Variants in HAPLN1 observed in about 807,000 individuals in gnomAD.
HAPLN1 encodes Cartilage link protein.
In HAPLN1, 13 loss-of-function variants were observed where a neutral mutation model predicts 36.5. The observed-to-expected ratio is 0.36, with a 90% CI of 0.23 to 0.57. The LOEUF (loss-of-function observed/expected upper bound fraction) is 0.57. Among genes scored for constraint, HAPLN1 ranks in the 20% least tolerant of loss-of-function variants. HAPLN1 has a pLI of 0.83. For missense variants in HAPLN1, 407 were observed against 439.7 expected (o/e 0.93, Z 0.66); for synonymous variants, 202 against 169.8 (o/e 1.19, Z -1.48).
intron 1 of HAPLN1, among the ~76,000 whole-genome samples, chr5:83,689,312 A>T (rs1178946796): frequency 1.3e-5 from 2 of 152,116 alleles, no homozygotes; most frequent in Non-Finnish European, 2.9e-5. Flanking sequence ...TGCTACATAC[A>T]CATAGCTCGT....
chr5:83,699,280 A>G (rs902327915), intron 1 of HAPLN1, among the ~76,000 whole-genome samples: 1 of 152,246 alleles, frequency 6.6e-6, no homozygotes, highest in Non-Finnish European at 1.5e-5. Context: ...TGTTAAAACT[A>G]TATAGTGACT....
intron 1 of HAPLN1, among the ~76,000 whole-genome samples, chr5:83,701,288 A>G (rs1298174643): frequency 6.6e-6 from 1 of 152,252 alleles, no homozygotes; most frequent in Non-Finnish European, 1.5e-5. Context: ...GTAGCTTCAC[A>G]AGGCAAAACT....
In HAPLN1 at chr5:83,664,739, A is replaced by G. The variant is rs963851465; in HGVS notation, c.100+8685T>C. Among the ~76,000 whole-genome samples, 17 of 152,242 alleles carry G rather than the reference A, an allele frequency of 1.1e-4. No individual in the cohort carries two copies. In the East Asian group the frequency reaches 1.9e-3, roughly 17 times the overall value. On this transcript the variant is annotated intron_variant, in intron 2 of 4. Transcript: ENST00000274341. The stretch of plus-strand genomic sequence containing the variant: ...AATTTTGCTTTCATTTATTTATTCA[A>G]TTATGTACATAAGCCAAATAATGAG...
rs148978794 is a variant in HAPLN1, at chr5:83,662,661, G to A, written c.101-9837C>T. Among the ~76,000 whole-genome samples, 16 of 152,284 alleles carry A rather than the reference G, an allele frequency of 1.1e-4. No individual in the cohort carries two copies. The East Asian group carries it at 2.5e-3, about 24-fold the overall frequency. ...TTTGTTTCAAAGGATATGGGGAAACGAAAACATTAGCATGAGTCATTCTTC... is the reference window on the plus strand; with the variant it reads ...TTTGTTTCAAAGGATATGGGGAAACAAAAACATTAGCATGAGTCATTCTTC... On this transcript the variant is annotated intron_variant, in intron 2 of 4. Coordinates refer to ENST00000274341, the MANE Select transcript of HAPLN1 (RefSeq NM_001884.4).
At chr5:83,681,538 G>T (rs1430931263) in intron 1 of HAPLN1, among the ~76,000 whole-genome samples, 1 of 151,280 alleles carries the variant, frequency 6.6e-6, no homozygotes, top group African/African-American at 2.4e-5. Context: ...TTTGAGACAA[G>T]GTCTGTCTGT....
intron 1 of HAPLN1, among the ~76,000 whole-genome samples, chr5:83,675,733 A>G (rs182003730): frequency 7.9e-5 from 12 of 152,322 alleles, no homozygotes; most frequent in African/African-American, 2.9e-4. Flanking sequence ...ATAAACAATG[A>G]TAAAAACACC....
intron 1 of HAPLN1, among the ~76,000 whole-genome samples, chr5:83,699,663 A>G (rs994819960): frequency 6.6e-6 from 1 of 152,224 alleles, no homozygotes; most frequent in Non-Finnish European, 1.5e-5. Context: ...GCTCACCAAT[A>G]TGCCAAAAAT....
At chr5:83,702,920 C>T (rs1561323025) in intron 1 of HAPLN1, among the ~76,000 whole-genome samples, 1 of 152,090 alleles carries the variant, frequency 6.6e-6, no homozygotes, top group African/African-American at 2.4e-5. Context: ...CCATGTTGGC[C>T]AGGCTGGTCT....
rs368024461 is a variant in HAPLN1 at position 83,672,232 on chromosome 5, C to A, written c.100+1192G>T. ...ATTACTATTTTGGCTGAATTGAATT[C>A]TGTCACTAGAATTCTGTCACTAGAA... On this transcript the variant is annotated intron_variant, in intron 2 of 4. Transcript: ENST00000274341. Among the ~76,000 whole-genome samples the A allele has an allele frequency of 7.1e-4, 108 of 152,222 alleles. 2 individuals are homozygous for A. The South Asian group carries it at 0.022, about 31-fold the overall frequency.
At chr5:83,697,417 C>A (rs561730101) in intron 1 of HAPLN1, among the ~76,000 whole-genome samples, 3 of 152,138 alleles carry the variant, frequency 2.0e-5, no homozygotes, top group Non-Finnish European at 2.9e-5. Flanking sequence ...TATATAGATA[C>A]CACATTTTAT....
At position 83,655,671 on chromosome 5, in the gene HAPLN1, A is replaced by G. The variant is rs143844546; in HGVS notation, c.101-2847T>C. ...AAACCTCCAACATGGCCTTGAGAAT[A>G]ATGTTTTTGTTTGTTTGTTTGCTTT... On this transcript the variant is annotated intron_variant, in intron 2 of 4. Coordinates refer to ENST00000274341, the MANE Select transcript of HAPLN1 (RefSeq NM_001884.4). Among the ~76,000 whole-genome samples, 503 of 152,128 alleles carry G rather than the reference A, an allele frequency of 3.3e-3. 5 individuals are homozygous for G. Among genetic ancestry groups the G allele is most frequent in the African/African-American group, 0.011 (475 of 41,462 alleles).
At chr5:83,711,424 G>A (rs2112638931) in intron 1 of HAPLN1, among the ~76,000 whole-genome samples, 1 of 152,242 alleles carries the variant, frequency 6.6e-6, no homozygotes, top group East Asian at 1.9e-4. Context: ...GGGGCAGTTA[G>A]ATTCATCATG....
chr5:83,657,257 T>G (rs1028777507), intron 2 of HAPLN1, among the ~76,000 whole-genome samples: 1 of 151,878 alleles, frequency 6.6e-6, no homozygotes, highest in African/African-American at 2.4e-5. Context: ...CACCACACCC[T>G]GCTAATTTTT....
chr5:83,718,876 T>C (rs567581807), intron 1 of HAPLN1, among the ~76,000 whole-genome samples: 1 of 152,300 alleles, frequency 6.6e-6, no homozygotes, highest in African/African-American at 2.4e-5. Context: ...TTTCTGAATA[T>C]AACTTTTGTT....
At chr5:83,657,576 A>C (rs746660660) in intron 2 of HAPLN1, among the ~76,000 whole-genome samples, 1 of 152,132 alleles carries the variant, frequency 6.6e-6, no homozygotes, top group Non-Finnish European at 1.5e-5. Flanking sequence ...CATTAGAAAG[A>C]CTTTTTCATC....
intron 1 of HAPLN1, among the ~76,000 whole-genome samples, chr5:83,690,771 T>A (rs7444755): frequency 6.6e-6 from 1 of 151,798 alleles, no homozygotes; most frequent in Non-Finnish European, 1.5e-5. Flanking sequence ...ATTTATATGG[T>A]GATTATATAT....
intron 2 of HAPLN1, among the ~76,000 whole-genome samples, chr5:83,666,133 T>C (rs1750544052): frequency 6.6e-6 from 1 of 152,224 alleles, no homozygotes; most frequent in Non-Finnish European, 1.5e-5. Flanking sequence ...ATATTTTAAT[T>C]TCTTAGCATT....
chr5:83,661,597 AC>A (rs1348744977), intron 2 of HAPLN1, among the ~76,000 whole-genome samples: 8 of 151,260 alleles, frequency 5.3e-5, no homozygotes, highest in Admixed American at 5.3e-4. Context: ...GGCGTCTGCC[AC>A]CCCGCCCGGC....
intron 2 of HAPLN1, among the ~76,000 whole-genome samples, chr5:83,662,356 T>C (rs1026811844): frequency 2.6e-5 from 4 of 152,256 alleles, no homozygotes; most frequent in Non-Finnish European, 5.9e-5. Flanking sequence ...TAACTTGTTA[T>C]AGAAGTAAAA....
Sources: allele counts gnomAD v4.1 joint callset (sites outside exome capture counted in the v4.1 genomes callset), GRCh38; gene constraint gnomAD v4.1.1; transcripts MANE v1.5; gene names NCBI Gene and HGNC (gene_info 2026-07-23, HGNC 2026-07-21).